The following ESRRG variants were observed in gnomAD, a reference collection of about 807,000 sequenced individuals.
ESRRG encodes estrogen-related receptor gamma.
In ESRRG, 13 loss-of-function variants were observed where a neutral mutation model predicts 44.0. The ratio of observed to expected loss-of-function variants is 0.30; its 90% confidence interval spans 0.19 to 0.47. The LOEUF is 0.47. ESRRG is among the 20% of genes least tolerant of loss of function. The probability of loss-of-function intolerance (pLI) is 1.00; values close to 1 mark genes in which losing one functional copy is unlikely to be tolerated. For synonymous variants in ESRRG, 215 were observed against 214.6 expected (o/e 1.00, Z -0.02); for missense variants, 395 against 580.6 (o/e 0.68, Z 3.29).
intron 1 of ESRRG, among the ~76,000 whole-genome samples, chr1:217,039,222 C>A (rs182252362): frequency 6.6e-6 from 1 of 152,270 alleles, no homozygotes; most frequent in East Asian, 1.9e-4. Context: ...CTGAGCCCTC[C>A]AAACTGTTCC....
chr1:216,999,912 G>A (rs1340801550), intron 1 of ESRRG, among the ~76,000 whole-genome samples: 1 of 152,080 alleles, frequency 6.6e-6, no homozygotes, highest in Non-Finnish European at 1.5e-5. Flanking sequence ...TTTCTAAAAG[G>A]GGAAACTCTT....
At chr1:216,990,712 TTTCTC>T (rs2075557212) in intron 1 of ESRRG, among the ~76,000 whole-genome samples, 1 of 152,358 alleles carries the variant, frequency 6.6e-6, no homozygotes, top group African/African-American at 2.4e-5. Flanking sequence ...AACATTTTCT[TTTCTC>T]TATCTTACTT....
intron 6 of ESRRG, among the ~76,000 whole-genome samples, chr1:216,517,175 A>C (rs1452156514): frequency 1.3e-5 from 2 of 152,300 alleles, no homozygotes; most frequent in African/African-American, 2.4e-5. Flanking sequence ...TGATAAGAGA[A>C]GAAAGGAGAG....
chr1:216,677,463 G>C lies in ESRRG; in HGVS notation c.85C>G (p.Arg29Gly). The C allele has an allele frequency of 6.2e-7, 1 of 1,611,784 alleles. No individual in the cohort carries two copies. The highest frequency in any genetic ancestry group is 8.5e-7 in the Non-Finnish European group (1 of 1,178,476). ...GACGAACAGCTGGAATCAATGTGTC[G>C]ATCTTTGTTTGACATTCTGCAGAGA... ...ELLCRMSNKD[R>G]HIDSSCSSFI... Residue 29 changes from arginine to glycine, a missense_variant, in exon 2 of 7, where the codon CGA (arginine) becomes GGA (glycine). Transcript: ENST00000408911.
intron 1 of ESRRG, among the ~76,000 whole-genome samples, chr1:217,013,414 G>T (rs2078917130): frequency 2.0e-5 from 3 of 152,224 alleles, no homozygotes; most frequent in African/African-American, 7.2e-5. Flanking sequence ...ATTTGGCAAA[G>T]AATAATGTAA....
chr1:216,546,111 G>C (rs923345141), intron 5 of ESRRG, among the ~76,000 whole-genome samples: 10 of 151,966 alleles, frequency 6.6e-5, no homozygotes, highest in Non-Finnish European at 1.5e-4. Context: ...AGCAGGAGGT[G>C]GGGGGATTGT....
chr1:216,807,704 C>A (rs2094840751), intron 2 of ESRRG, among the ~76,000 whole-genome samples: 1 of 131,278 alleles, frequency 7.6e-6, no homozygotes, highest in South Asian at 2.6e-4. Flanking sequence ...AGATTCTCTA[C>A]CCTTTGCCAA....
intron 5 of ESRRG, among the ~76,000 whole-genome samples, chr1:216,542,435 C>T (rs1377984730): frequency 6.6e-6 from 1 of 151,812 alleles, no homozygotes; most frequent in African/African-American, 2.4e-5. Context: ...AAAGAGAGAG[C>T]CACATCTCAG....
At chr1:217,026,902 C>G (rs918087406) in intron 1 of ESRRG, among the ~76,000 whole-genome samples, 1 of 84,398 alleles carries the variant, frequency 1.2e-5, no homozygotes, top group East Asian at 3.3e-4. Context: ...CACACACACA[C>G]ACACACACAC....
intron 1 of ESRRG, among the ~76,000 whole-genome samples, chr1:217,132,096 G>A (rs1251484063): frequency 6.6e-6 from 1 of 152,168 alleles, no homozygotes; most frequent in African/African-American, 2.4e-5. Flanking sequence ...AGGGAGGAAA[G>A]GAATTGTTCC....
chr1:216,751,866 A>G (rs907213998), intron 2 of ESRRG, among the ~76,000 whole-genome samples: 19 of 152,108 alleles, frequency 1.2e-4, no homozygotes, highest in African/African-American at 4.3e-4. Context: ...AGCTATTTCC[A>G]TGCTGTGGCT....
chr1:216,573,021 A>C (rs1235280276), intron 3 of ESRRG, among the ~76,000 whole-genome samples: 1 of 152,022 alleles, frequency 6.6e-6, no homozygotes, highest in African/African-American at 2.4e-5. Context: ...GATTATTTTT[A>C]TGTAATTGTT....
chr1:217,131,824 G>T (rs1001155428), intron 1 of ESRRG, among the ~76,000 whole-genome samples: 2 of 152,198 alleles, frequency 1.3e-5, no homozygotes, highest in Non-Finnish European at 2.9e-5. Context: ...CCTTGTCAAA[G>T]AGTCACTTAG....
At chr1:216,830,657 G>T (rs1245487686) in intron 2 of ESRRG, among the ~76,000 whole-genome samples, 1 of 152,124 alleles carries the variant, frequency 6.6e-6, no homozygotes, top group Admixed American at 6.5e-5. Context: ...TCACCCGCTA[G>T]ATTTGAGCCA....
At chr1:217,003,954 G>C (rs925872359) in intron 1 of ESRRG, among the ~76,000 whole-genome samples, 1 of 151,534 alleles carries the variant, frequency 6.6e-6, no homozygotes, top group African/African-American at 2.4e-5. Flanking sequence ...TTGGAAATAT[G>C]GTTTGATTCA....
chr1:216,729,920 T>C (rs1274025562), intron 2 of ESRRG, among the ~76,000 whole-genome samples: 1 of 152,126 alleles, frequency 6.6e-6, no homozygotes, highest in African/African-American at 2.4e-5. Flanking sequence ...GCCACTAATC[T>C]ATGGCAGCAC....
chr1:216,951,602 T>C (rs1322122108), intron 1 of ESRRG, among the ~76,000 whole-genome samples: 4 of 151,976 alleles, frequency 2.6e-5, no homozygotes, highest in Non-Finnish European at 5.9e-5. Context: ...CACTTTCCAG[T>C]AGAAATGAAA....
intron 1 of ESRRG, among the ~76,000 whole-genome samples, chr1:216,698,033 GC>G (rs2080536802): frequency 6.6e-6 from 1 of 152,242 alleles, no homozygotes. Flanking sequence ...CCCTCCGTTT[GC>G]CCCTAAGATG....
chr1:216,570,350 A>AAAGC (rs2060551632), intron 3 of ESRRG, among the ~76,000 whole-genome samples: 1 of 152,246 alleles, frequency 6.6e-6, no homozygotes, highest in Non-Finnish European at 1.5e-5. Flanking sequence ...TGCTGCTTTT[A>AAAGC]AAGCACTCCA....
Sources: gnomAD v4.1 joint callset for allele counts (sites outside exome capture counted in the v4.1 genomes callset) on GRCh38, gnomAD v4.1.1 for gene constraint, MANE v1.5 for transcripts, NCBI Gene and HGNC (gene_info 2026-07-23, HGNC 2026-07-21) for gene names.